The following ZRANB1 variants were observed in gnomAD, a reference collection of about 807,000 sequenced individuals.
ZRANB1 encodes the protein zinc finger RANBP2-type containing 1.
ZRANB1 carries 16 observed loss-of-function variants against 80.5 expected under a neutral mutation model. The observed-to-expected ratio is 0.20, with a 90% CI of 0.13 to 0.30. The LOEUF (loss-of-function observed/expected upper bound fraction) is 0.30, where lower values mean the gene tolerates loss of function less well. Ranked by LOEUF, ZRANB1 falls within the 10% of genes least tolerant of loss-of-function variation. The pLI is 1.00. For missense variants in ZRANB1, 576 were observed against 862.6 expected, an observed-to-expected ratio of 0.67 and a Z score of 4.16; for synonymous variants, 291 against 293.1, an observed-to-expected ratio of 0.99 and a Z score of 0.07.
At chr10:124,923,062 G>T in the ZRANB1 span, among the ~76,000 whole-genome samples, 1 of 152,024 alleles carries the variant, frequency 6.6e-6, no homozygotes, top group Admixed American at 6.5e-5. Context: ...GCCTAGGCGG[G>T]TAGATCACAA....
At chr10:124,929,411 C>T in the ZRANB1 span, among the ~76,000 whole-genome samples, 21 of 151,548 alleles carry the variant, frequency 1.4e-4, no homozygotes, top group East Asian at 3.7e-3. Flanking sequence ...TCTCGGCTCA[C>T]TGCAACGTCC....
chr10:124,919,690 C>T, the ZRANB1 span, among the ~76,000 whole-genome samples: 21 of 148,356 alleles, frequency 1.4e-4, no homozygotes, highest in African/African-American at 5.3e-4. Context: ...CCGCTCACTG[C>T]AACCTCCGCC....
At chr10:124,918,819 T>C in the ZRANB1 span, among the ~76,000 whole-genome samples, 2 of 152,258 alleles carry the variant, frequency 1.3e-5, no homozygotes, top group African/African-American at 2.4e-5. Flanking sequence ...GCAGTCTCTT[T>C]ATACTAAAAT....
the ZRANB1 span, among the ~76,000 whole-genome samples, chr10:124,918,334 G>T: frequency 1.5e-3 from 221 of 152,272 alleles, no homozygotes; most frequent in African/African-American, 5.0e-3. Flanking sequence ...GGGACTACAG[G>T]CATGCGCCAC....
chr10:124,928,576 G>T, the ZRANB1 span, among the ~76,000 whole-genome samples: 1,002 of 152,226 alleles, frequency 6.6e-3, 8 homozygotes, highest in African/African-American at 0.022. Context: ...AGTTGCTTAG[G>T]ATTTTCTAAA....
At chr10:124,928,281 C>T in the ZRANB1 span, among the ~76,000 whole-genome samples, 1 of 152,018 alleles carries the variant, frequency 6.6e-6, no homozygotes, top group Non-Finnish European at 1.5e-5. Context: ...TACGGTGTCG[C>T]CGAAGCATGC....
At chr10:124,922,281 A>AATATATATATATATATAT in the ZRANB1 span, among the ~76,000 whole-genome samples, 17 of 87,442 alleles carry the variant, frequency 1.9e-4, 1 homozygote, top group African/African-American at 6.4e-4. Flanking sequence ...ATATATGTAA[A>AATATATATATATATATAT]ATATATATAT....
intron 1 of ZRANB1, among the ~76,000 whole-genome samples, chr10:124,960,350 G>T (rs1398289318): frequency 6.6e-6 from 1 of 152,122 alleles, no homozygotes; most frequent in African/African-American, 2.4e-5. Context: ...TTGTCTAGAA[G>T]AATTAAATGT....
At chr10:124,965,888 T>C (rs777588990) in intron 1 of ZRANB1, among the ~76,000 whole-genome samples, 12 of 152,244 alleles carry the variant, frequency 7.9e-5, no homozygotes, top group Non-Finnish European at 1.3e-4. Flanking sequence ...GAATGTTCTT[T>C]ATAGATTTGG....
Position 124,966,444 on chromosome 10 carries a change from T to C in ZRANB1, c.815-150T>C, listed in dbSNP as rs1038021842. ...TTTTAAAGGGAAAGGAAAAAACTTATTTTCCTTACTCTTATAGGACATTTA... is the reference window on the plus strand; with the variant it reads ...TTTTAAAGGGAAAGGAAAAAACTTACTTTCCTTACTCTTATAGGACATTTA... On this transcript the variant is annotated intron_variant, in intron 1 of 8. Coordinates refer to ENST00000359653, the MANE Select transcript of ZRANB1 (RefSeq NM_017580.3). 6.4e-5 allele frequency: 49 copies of C among 762,658 alleles called. No individual in the cohort carries two copies. The African/African-American group carries it at 8.4e-4, about 13-fold the overall frequency. 47.2% of individuals were successfully genotyped at this position (762,658 alleles called of 1,614,324 possible).
the ZRANB1 span, among the ~76,000 whole-genome samples, chr10:124,932,448 C>T: frequency 6.6e-6 from 1 of 152,096 alleles, no homozygotes; most frequent in Non-Finnish European, 1.5e-5. Context: ...CGCCACCGCA[C>T]CTGGCTAGTT....
chr10:124,929,630 G>A, the ZRANB1 span, among the ~76,000 whole-genome samples: 1 of 150,714 alleles, frequency 6.6e-6, no homozygotes, highest in Non-Finnish European at 1.5e-5. Context: ...GAGCCACCGC[G>A]CCTGGCCAAC....
At chr10:124,937,216 C>T (rs1362694535), upstream of ZRANB1, among the ~76,000 whole-genome samples, 6 of 120,038 alleles carry the variant, frequency 5.0e-5, no homozygotes, top group Admixed American at 1.0e-4. Flanking sequence ...GATGGAGTTT[C>T]GCTCTTGTTG....
chr10:124,932,543 G>A, the ZRANB1 span, among the ~76,000 whole-genome samples: 4 of 151,940 alleles, frequency 2.6e-5, no homozygotes, highest in East Asian at 7.7e-4. Flanking sequence ...CACCCACCTC[G>A]GCCTCCCAGA....
chr10:124,924,511 A>G, the ZRANB1 span, among the ~76,000 whole-genome samples: 1 of 152,144 alleles, frequency 6.6e-6, no homozygotes, highest in South Asian at 2.1e-4. Flanking sequence ...CCTGGCAACC[A>G]CTAATCTACT....
chr10:124,967,657 G>A (rs76665303), intron 2 of ZRANB1, among the ~76,000 whole-genome samples: 20,746 of 152,090 alleles, frequency 0.14, 1,632 homozygotes, highest in African/African-American at 0.21. Context: ...CAGAAGGGCA[G>A]AAGGGTAGCC....
chr10:124,973,605 A>G, intron 3 of ZRANB1, 40 bp from the exon 4 acceptor site: 1 of 1,559,484 alleles, frequency 6.4e-7, no homozygotes, highest in Non-Finnish European at 8.8e-7. Context: ...AGTGTAAGTT[A>G]TGAAACAAAA....
the ZRANB1 span, among the ~76,000 whole-genome samples, chr10:124,931,218 G>GCCA: frequency 6.6e-6 from 1 of 152,168 alleles, no homozygotes; most frequent in South Asian, 2.1e-4. Flanking sequence ...ACAGGCGTGT[G>GCCA]CCACCATACC....
intron 1 of ZRANB1, among the ~76,000 whole-genome samples, chr10:124,964,184 A>G (rs1306836474): frequency 6.6e-6 from 1 of 152,246 alleles, no homozygotes; most frequent in South Asian, 2.1e-4. Context: ...ATAATTTCAC[A>G]TACCATGCAT....
Sources: gnomAD v4.1 joint callset for allele counts (sites outside exome capture counted in the v4.1 genomes callset) on GRCh38, gnomAD v4.1.1 for gene constraint, MANE v1.5 for transcripts, NCBI Gene and HGNC (gene_info 2026-07-23, HGNC 2026-07-21) for gene names.